The following NEB variants were observed in gnomAD, a reference collection of about 807,000 sequenced individuals.
The protein encoded by NEB is nemaline myopathy type 2.
Under a neutral mutation model 952.2 loss-of-function variants are expected in NEB, and 512 were observed. The observed-to-expected ratio is 0.54, with a 90% CI of 0.50 to 0.58. The LOEUF is 0.58. Ranked by LOEUF, NEB falls within the 20% of genes least tolerant of loss-of-function variation. The pLI is 0.00. For missense variants in NEB, 8,428 were observed against 9,231.1 expected (o/e 0.91, Z 3.56); for synonymous variants, 2,900 against 3,149.8 (o/e 0.92, Z 2.66).
At chr2:151,616,160 C>CTG in intron 75 of NEB, 51 bp from the exon 76 acceptor site, 1 of 1,254,568 alleles carries the variant, frequency 8.0e-7, no homozygotes, top group South Asian at 1.3e-5. Flanking sequence ...AAAAGTGAAG[C>CTG]TGTTCATTAT....
At chr2:151,708,694 T>G (rs2099734600) in intron 12 of NEB, among the ~76,000 whole-genome samples, 1 of 152,232 alleles carries the variant, frequency 6.6e-6, no homozygotes, top group South Asian at 2.1e-4. Flanking sequence ...GACTGACCTC[T>G]GACACTTCCA....
chr2:151,659,237 A>C, intron 46 of NEB, 68 bp from the exon 47 acceptor site: 9 of 840,056 alleles, frequency 1.1e-5, no homozygotes, highest in Non-Finnish European at 1.8e-5. Context: ...CATACATATC[A>C]TTGTACATAT....
chr2:151,730,456 C>T (rs1462330792), intron 3 of NEB, among the ~76,000 whole-genome samples: 1 of 151,798 alleles, frequency 6.6e-6, no homozygotes, highest in Non-Finnish European at 1.5e-5. Flanking sequence ...TAAATAGATG[C>T]AGAAAGGAAC....
At chr2:151,723,764 T>G (rs2099782387) in intron 8 of NEB, among the ~76,000 whole-genome samples, 1 of 148,930 alleles carries the variant, frequency 6.7e-6, no homozygotes. Context: ...TTTTTTTTTT[T>G]TTTTTTTTTT....
At chr2:151,713,720 G>T (rs527241220) in intron 10 of NEB, among the ~76,000 whole-genome samples, 1 of 152,090 alleles carries the variant, frequency 6.6e-6, no homozygotes, top group Non-Finnish European at 1.5e-5. Context: ...TTCCCCACCT[G>T]GAAGGCCTGT....
chr2:151,706,060 A>G (rs2099704937), intron 13 of NEB, among the ~76,000 whole-genome samples: 1 of 152,202 alleles, frequency 6.6e-6, no homozygotes, highest in Non-Finnish European at 1.5e-5. Context: ...TACCCCAACA[A>G]TGACTGAAAT....
chr2:151,716,766 CA>C (rs1173599900), intron 10 of NEB, among the ~76,000 whole-genome samples: 10 of 152,038 alleles, frequency 6.6e-5, no homozygotes, highest in African/African-American at 2.4e-4. Flanking sequence ...CCACAGAGGG[CA>C]AGATAAAGTA....
rs764832205 is a variant in NEB at position 151,643,833 on chromosome 2, A to G, written c.7941T>C (p.Tyr2647=). The part of the protein sequence containing the change: ...QSDVIHARQA[Y]DLQSDNLYKS... ...TTAGACTCACATCGCTCTGGAGGTC[A>G]TAGGCCTGCCGAGCATGGATGACAT... is the stretch of plus-strand genomic sequence containing the variant. The change falls in exon 57 of 182, where the codon TAT becomes TAC. Residue 2647 remains tyrosine, a synonymous_variant. Coordinates refer to ENST00000397345, the MANE Select transcript of NEB (RefSeq NM_001164508.2). The G allele has an allele frequency of 6.2e-6, 10 of 1,613,560 alleles. No individual in the cohort carries two copies. The highest frequency in any genetic ancestry group is 1.3e-5 in the African/African-American group (1 of 74,946).
chr2:151,675,412 C>A, intron 34 of NEB, 21 bp from the exon 35 acceptor site: 3 of 1,467,986 alleles, frequency 2.0e-6, no homozygotes, highest in South Asian at 1.2e-5. Flanking sequence ...ATGCATTTCA[C>A]ATAGTGCAAA....
intron 168 of NEB, chr2:151,499,684 C>T: frequency 1.5e-5 from 4 of 275,482 alleles, no homozygotes; most frequent in South Asian, 4.1e-5. Context: ...CACTAAAATA[C>T]TCAGTGTACA....
At chr2:151,672,939 A>C (rs977483577) in intron 36 of NEB, among the ~76,000 whole-genome samples, 1 of 152,238 alleles carries the variant, frequency 6.6e-6, no homozygotes, top group Non-Finnish European at 1.5e-5. Flanking sequence ...TATTTTAAAC[A>C]AACTGAATTT....
chr2:151,492,391 G>C lies in NEB; in HGVS notation c.24869C>G (p.Ser8290Ter). Residue 8290 changes from serine (S) to a stop codon, truncating the protein, a stop_gained, in exon 177 of 182, where the codon TCA (serine) becomes TGA (stop). Coordinates refer to ENST00000397345, the MANE Select transcript of NEB (RefSeq NM_001164508.2). LOFTEE classifies it high-confidence loss of function. ...CCTAAAGAATTCCTGACTCACCGTT[G>C]AGATGTGCCGTTGGGTCTCCCTCAC... is the stretch of plus-strand genomic sequence containing the variant. ...RRVRETQRHI[S>*]TVKYHEDFEK... 6.2e-7 allele frequency: 1 copy of C among 1,602,298 alleles called. No homozygotes were observed. The highest frequency in any genetic ancestry group is 1.1e-5 in the South Asian group (1 of 89,652).
chr2:151,714,076 C>T (rs927628327), intron 10 of NEB, among the ~76,000 whole-genome samples: 1 of 152,004 alleles, frequency 6.6e-6, no homozygotes, highest in African/African-American at 2.4e-5. Flanking sequence ...CCAGACAGAC[C>T]CACTAAGAAG....
Position 151,546,427 on chromosome 2 carries a change from T to C in NEB, c.20384A>G (p.Asp6795Gly). 6.2e-7 allele frequency: 1 copy of C among 1,612,916 alleles called. No individual in the cohort carries two copies. Residue 6795 changes from aspartate to glycine, a missense_variant, in exon 134 of 182, where the codon GAC becomes GGC. Asp to Gly is a moderately conservative substitution (Grantham distance 94, BLOSUM62 -1). Coordinates refer to ENST00000397345, the MANE Select transcript of NEB (RefSeq NM_001164508.2). ...DITSDIKYKE[D>G]LQVLKGFGCF... ...GCCAAATCCCTTCAGGACCTGCAAGTCCTCTTTGTATTTAATCTGAGAGGC... is the reference window on the plus strand; with the variant it reads ...GCCAAATCCCTTCAGGACCTGCAAGCCCTCTTTGTATTTAATCTGAGAGGC...
At position 151,650,323 on chromosome 2, in the gene NEB, A is replaced by T. The variant is rs756723106; in HGVS notation, c.7284T>A (p.Gly2428=). 6.2e-7 allele frequency: 1 copy of T among 1,613,820 alleles called. No homozygotes were observed. The highest frequency in any genetic ancestry group is 1.7e-5 in the Admixed American group (1 of 59,980). ...WLRGIGWSPL[G]SLEAEKNKRA... Reference sequence around the variant, plus strand: ...GCTTGTTCTTTTCTGCCTCTAAAGAACCCAAGGGACTCCATCCTATGCCTC... The same window carrying T: ...GCTTGTTCTTTTCTGCCTCTAAAGATCCCAAGGGACTCCATCCTATGCCTC... Residue 2428 remains glycine (G), a synonymous_variant, in exon 54 of 182, where the codon GGT becomes GGA. Coordinates refer to ENST00000397345, the MANE Select transcript of NEB (RefSeq NM_001164508.2).
chr2:151,625,060 T>C (rs900328121), intron 71 of NEB, among the ~76,000 whole-genome samples: 2 of 152,176 alleles, frequency 1.3e-5, no homozygotes, highest in African/African-American at 4.8e-5. Context: ...TTAAAGTTTA[T>C]TAAACAAATA....
chr2:151,677,480 C>A, intron 34 of NEB, 85 bp downstream of exon 34: 1 of 1,023,058 alleles, frequency 9.8e-7, no homozygotes, highest in Non-Finnish European at 1.3e-6. Flanking sequence ...GATATTGGCC[C>A]AGAAAAAAAA....
chr2:151,524,239 A>G, intron 153 of NEB, 72 bp downstream of exon 153: 1 of 1,298,124 alleles, frequency 7.7e-7, no homozygotes, highest in Non-Finnish European at 1.1e-6. Context: ...TTCAATCTGG[A>G]AATCACTTCT....
chr2:151,493,299 T>G (rs1328479060), intron 176 of NEB, 54 bp downstream of exon 176: 1 of 1,363,888 alleles, frequency 7.3e-7, no homozygotes. Flanking sequence ...TTTATGATGT[T>G]AAAATGTTAT....
Sources: gnomAD v4.1 joint callset for allele counts (sites outside exome capture counted in the v4.1 genomes callset) on GRCh38, gnomAD v4.1.1 for gene constraint, MANE v1.5 for transcripts, NCBI Gene and HGNC (gene_info 2026-07-23, HGNC 2026-07-21) for gene names.